DAG1: variants seen among roughly 807,000 people sequenced by gnomAD.
The protein encoded by DAG1 is dystroglycan 1, also known as dystroglycan 1 (dystrophin-associated glycoprotein 1).
Under a neutral mutation model 46.1 loss-of-function variants are expected in DAG1, and 8 were observed. The observed-to-expected ratio is 0.17, with a 90% CI of 0.10 to 0.31. The LOEUF (loss-of-function observed/expected upper bound fraction) is 0.31, where lower values mean the gene tolerates loss of function less well. Ranked by LOEUF, DAG1 falls within the 10% of genes least tolerant of loss-of-function variation. The pLI is 1.00. For missense variants in DAG1, 1,003 were observed against 1,189.9 expected (o/e 0.84, Z 2.31); for synonymous variants, 495 against 481.8 (o/e 1.03, Z -0.36).
intron 1 of DAG1, among the ~76,000 whole-genome samples, chr3:49,493,681 A>G (rs1280204862): frequency 2.6e-5 from 4 of 152,214 alleles, no homozygotes; most frequent in African/African-American, 9.6e-5. Context: ...GGTCTTTAAC[A>G]AGCAGCCCAA....
intron 1 of DAG1, among the ~76,000 whole-genome samples, chr3:49,490,918 C>G (rs1048919849): frequency 3.0e-5 from 4 of 135,418 alleles, no homozygotes; most frequent in African/African-American, 5.6e-5. Flanking sequence ...CGGAGTCTCA[C>G]TCTGTTGTCT....
intron 1 of DAG1, among the ~76,000 whole-genome samples, chr3:49,494,494 A>T (rs1401857258): frequency 6.6e-6 from 1 of 152,198 alleles, no homozygotes; most frequent in Non-Finnish European, 1.5e-5. Flanking sequence ...CATCATTGCT[A>T]GATTAGCATA....
chr3:49,479,137 T>C (rs1390088973), intron 1 of DAG1, among the ~76,000 whole-genome samples: 3 of 151,838 alleles, frequency 2.0e-5, no homozygotes, highest in Admixed American at 6.6e-5. Context: ...CAACACATGG[T>C]ACTAACTTGA....
Position 49,531,315 on chromosome 3 carries a change from G to T in DAG1, c.804G>T (p.Gln268His), listed in dbSNP as rs201713621. ...GGAAGCTGGGCTGCTCCCTGAACCA[G>T]AACAGTGTGCCTGACATTCATGGTG... ...LSWKLGCSLN[Q>H]NSVPDIHGVE... The change falls in exon 3 of 3, where the codon CAG (glutamine) becomes CAT (histidine). Residue 268 changes from glutamine to histidine, a missense_variant. Around this residue, in one of 3 missense-constraint regions of DAG1, gnomAD observed 755 missense variants for 854.1 expected, o/e 0.88. Coordinates refer to ENST00000308775, the MANE Select transcript of DAG1 (RefSeq NM_004393.6). The surrounding 1 kb of genome is among the most constrained non-coding windows in gnomAD (Gnocchi z 7.0). 13 of 1,614,216 alleles carry T rather than the reference G, an allele frequency of 8.1e-6. No homozygotes were observed. The East Asian group carries it at 2.9e-4, about 36-fold the overall frequency.
chr3:49,517,024 C>T (rs1381133776), intron 2 of DAG1, among the ~76,000 whole-genome samples: 1 of 135,962 alleles, frequency 7.4e-6, no homozygotes, highest in Non-Finnish European at 1.5e-5. Context: ...GACGGAGTCT[C>T]GCTCTGTCGC....
rs553455928 is a variant in DAG1, at chr3:49,512,694, G to A, written c.285+1875G>A. 6.7e-5 allele frequency among the ~76,000 whole-genome samples: 10 copies of A among 150,032 alleles called. No individual in the cohort carries two copies. In the East Asian group the frequency reaches 1.0e-3, roughly 15 times the overall value. ...AAAAAAATTTTTTTTTAGTTTGGGCGTGATGACTTACACCTGTAATCCTAG... is the reference window on the plus strand; with the variant it reads ...AAAAAAATTTTTTTTTAGTTTGGGCATGATGACTTACACCTGTAATCCTAG... On this transcript the variant is annotated intron_variant, in intron 2 of 2. Coordinates refer to ENST00000308775, the MANE Select transcript of DAG1 (RefSeq NM_004393.6).
In DAG1 at chr3:49,531,970, G is replaced by A; in HGVS notation, c.1459G>A (p.Val487Met). 6.2e-7 allele frequency: 1 copy of A among 1,614,230 alleles called. No homozygotes were observed. The highest frequency in any genetic ancestry group is 8.5e-7 in the Non-Finnish European group (1 of 1,180,042). ...TCGTATTCGCACCACCACCAGTGGA[G>A]TGCCCCGTGGCGGAGAACCCAACCA... ...PTRIRTTTSG[V>M]PRGGEPNQRP... Residue 487 changes from valine (V) to methionine (M), a missense_variant, in exon 3 of 3, where the codon GTG becomes ATG. This residue lies in a region of DAG1 where 755 missense variants were observed against 854.1 expected (regional missense o/e 0.88). Coordinates refer to ENST00000308775, the MANE Select transcript of DAG1 (RefSeq NM_004393.6). The surrounding 1 kb of genome is among the most constrained non-coding windows in gnomAD (Gnocchi z 7.0).
intron 2 of DAG1, 90 bp from the exon 3 acceptor site, chr3:49,530,707 C>T (rs1203521040): frequency 1.3e-6 from 2 of 1,584,454 alleles, no homozygotes; most frequent in Admixed American, 1.7e-5. Flanking sequence ...ATACCTTAAA[C>T]CTGTCACACA....
intron 2 of DAG1, among the ~76,000 whole-genome samples, chr3:49,529,486 A>G (rs2051284276): frequency 6.6e-6 from 1 of 152,132 alleles, no homozygotes; most frequent in African/African-American, 2.4e-5. Context: ...GTTTTTTGGC[A>G]GGAGGAAGCC....
At chr3:49,480,784 C>CG (rs2049856705) in intron 1 of DAG1, among the ~76,000 whole-genome samples, 1 of 94,952 alleles carries the variant, frequency 1.1e-5, no homozygotes, top group African/African-American at 3.7e-5. Flanking sequence ...TTTTTTGAGA[C>CG]GGAGTCTCGC....
At chr3:49,499,623 C>T (rs560802868) in intron 1 of DAG1, among the ~76,000 whole-genome samples, 41 of 152,266 alleles carry the variant, frequency 2.7e-4, no homozygotes, top group Admixed American at 1.3e-3. Flanking sequence ...GGAACAGAGC[C>T]GCCTGTTCCA....
chr3:49,533,021 C>G lies in DAG1; in HGVS notation c.2510C>G (p.Pro837Arg), dbSNP rs886043326. The change falls in exon 3 of 3, where the codon CCC (proline) becomes CGC (arginine). Residue 837 changes from proline (P) to arginine (R), a missense_variant. By Grantham distance (103) the Pro-to-Arg change is moderately radical. Around this residue, in one of 3 missense-constraint regions of DAG1, gnomAD observed 755 missense variants for 854.1 expected, o/e 0.88. Coordinates refer to ENST00000308775, the MANE Select transcript of DAG1 (RefSeq NM_004393.6). ...PPPEYPNQSV[P>R]ETTPLNQDTM... Reference sequence around the variant, plus strand: ...CCTGAGTACCCCAACCAGAGTGTGCCCGAGACCACTCCTCTGAACCAGGAC... The same window carrying G: ...CCTGAGTACCCCAACCAGAGTGTGCGCGAGACCACTCCTCTGAACCAGGAC... The G allele has an allele frequency of 2.2e-5, 36 of 1,613,976 alleles. No homozygotes were observed. The highest frequency in any genetic ancestry group is 3.0e-5 in the Non-Finnish European group (35 of 1,180,014).
At chr3:49,518,793 A>G (rs771740656) in intron 2 of DAG1, among the ~76,000 whole-genome samples, 5 of 152,238 alleles carry the variant, frequency 3.3e-5, no homozygotes, top group African/African-American at 9.6e-5. Flanking sequence ...AGAAGGGGCT[A>G]TGGGCTCCCT....
chr3:49,507,845 A>C (rs1020750173), intron 1 of DAG1, among the ~76,000 whole-genome samples: 1 of 151,952 alleles, frequency 6.6e-6, no homozygotes, highest in African/African-American at 2.4e-5. Flanking sequence ...GCCTCTGTAA[A>C]ATAATTTTCT....
intron 1 of DAG1, among the ~76,000 whole-genome samples, chr3:49,485,144 G>A (rs561220906): frequency 2.2e-4 from 34 of 151,948 alleles, no homozygotes; most frequent in East Asian, 7.8e-4. Flanking sequence ...CTGCCACCAC[G>A]CCTGGCTAAT....
chr3:49,511,055 C>A (rs956492548), intron 2 of DAG1: 1 of 825,224 alleles, frequency 1.2e-6, no homozygotes, highest in African/African-American at 1.9e-5. Context: ...AGCCTTTACT[C>A]TGGAAGTTCT....
intron 1 of DAG1, among the ~76,000 whole-genome samples, chr3:49,494,792 G>A (rs928722986): frequency 3.9e-5 from 4 of 101,648 alleles, no homozygotes; most frequent in East Asian, 7.5e-4. Flanking sequence ...CTGCCACCAC[G>A]CCCAGCTAAT....
intron 1 of DAG1, among the ~76,000 whole-genome samples, chr3:49,501,372 C>T (rs1559558983): frequency 6.6e-6 from 1 of 152,106 alleles, no homozygotes; most frequent in Admixed American, 6.6e-5. Context: ...CCTGTGTCTC[C>T]CCATTCATTC....
Position 49,528,990 on chromosome 3 carries a change from A to G in DAG1, c.286-1807A>G, listed in dbSNP as rs866557948. 3.3e-5 allele frequency among the ~76,000 whole-genome samples: 5 copies of G among 151,802 alleles called. No individual in the cohort carries two copies. In the South Asian group the frequency reaches 6.2e-4, roughly 19 times the overall value. On this transcript the variant is annotated intron_variant, in intron 2 of 2. Coordinates refer to ENST00000308775, the MANE Select transcript of DAG1 (RefSeq NM_004393.6). ...CTTAGCCTCCTGAGTAGCTGGGACT[A>G]CAGGTGCCTGCCACCACATCCGACT... is the stretch of plus-strand genomic sequence containing the variant.
Sources: allele counts gnomAD v4.1 joint callset (sites outside exome capture counted in the v4.1 genomes callset), GRCh38; gene constraint gnomAD v4.1.1; regional missense constraint gnomAD v4.1.1; non-coding constraint Gnocchi (gnomAD v3.1); transcripts MANE v1.5; gene names NCBI Gene and HGNC (gene_info 2026-07-23, HGNC 2026-07-21).